Variants in MYO5A observed in about 807,000 individuals in gnomAD.
The protein encoded by MYO5A is myosin VA.
MYO5A carries 98 observed loss-of-function variants against 249.7 expected under a neutral mutation model. The observed-to-expected ratio is 0.39, with a 90% CI of 0.33 to 0.46. The LOEUF (loss-of-function observed/expected upper bound fraction) is 0.46. Among genes scored for constraint, MYO5A ranks in the 20% least tolerant of loss-of-function variants. The probability of loss-of-function intolerance (pLI) is 0.98; values close to 1 mark genes in which losing one functional copy is unlikely to be tolerated. For synonymous variants in MYO5A, 778 were observed against 810.6 expected, an observed-to-expected ratio of 0.96 and a Z score of 0.68; for missense variants, 1,696 against 2,308.8, an observed-to-expected ratio of 0.73 and a Z score of 5.44.
Position 52,397,486 on chromosome 15 carries a change from T to G in MYO5A, c.1054-20A>C. 1 of 1,612,250 alleles carries G rather than the reference T, an allele frequency of 6.2e-7. No individual in the cohort carries two copies. The highest frequency in any genetic ancestry group is 8.5e-7 in the Non-Finnish European group (1 of 1,178,466). On this transcript the variant is annotated intron_variant, in intron 9 of 41. Transcript: ENST00000399233. The stretch of plus-strand genomic sequence containing the variant: ...CTTGGGCTGCCAAAAGATAATGAGT[T>G]ATTTCCTATGACCAGATAAATCAAG...
At chr15:52,331,720 TG>T in intron 34 of MYO5A, 2 of 985,438 alleles carry the variant, frequency 2.0e-6, no homozygotes, top group Non-Finnish European at 2.4e-6. Context: ...CTTGCTTATG[TG>T]GCATGGAGCC....
chr15:52,322,867 CAT>C (rs1436089797), intron 37 of MYO5A, among the ~76,000 whole-genome samples: 17 of 148,462 alleles, frequency 1.1e-4, no homozygotes, highest in African/African-American at 4.2e-4. Context: ...TTTTAGGGTA[CAT>C]GTGCACAATG....
intron 1 of MYO5A, among the ~76,000 whole-genome samples, chr15:52,483,380 G>T (rs1372809177): frequency 6.6e-6 from 1 of 152,168 alleles, no homozygotes; most frequent in African/African-American, 2.4e-5. Context: ...GAGGGGTACA[G>T]TTACCCTTTG....
rs146469542 is a variant in MYO5A at position 52,519,185 on chromosome 15, T to C, written c.27+9595A>G. ...AATAAGAAATCGTGCAACTTATCTA[T>C]GTATGAAAATAGGGGAAGAGAATAA... On this transcript the variant is annotated intron_variant, in intron 1 of 41. Coordinates refer to ENST00000399233, the MANE Select transcript of MYO5A (RefSeq NM_001382347.1). Among the ~76,000 whole-genome samples, 33 of 152,182 alleles carry C rather than the reference T, an allele frequency of 2.2e-4. No homozygotes were observed. The East Asian group carries it at 6.2e-3, about 28-fold the overall frequency.
At chr15:52,318,195 C>T (rs143474872) in intron 39 of MYO5A, among the ~76,000 whole-genome samples, 1 of 150,966 alleles carries the variant, frequency 6.6e-6, no homozygotes, top group Admixed American at 6.6e-5. Context: ...GTGGCTCACA[C>T]CTGTAATCCC....
chr15:52,479,591 T>C (rs1024909433), intron 1 of MYO5A, among the ~76,000 whole-genome samples: 1 of 152,320 alleles, frequency 6.6e-6, no homozygotes. Flanking sequence ...AAAAGTTAGG[T>C]CTGTATGTGC....
At position 52,312,903 on chromosome 15, in the gene MYO5A, AT is replaced by A. The variant is rs2037828996; in HGVS notation, c.*792del. 1 of 152,496 alleles carries A rather than the reference AT, an allele frequency of 6.6e-6. No homozygotes were observed. The highest frequency in any genetic ancestry group is 1.5e-5 in the Non-Finnish European group (1 of 68,044). The allele number at this position is 152,496 out of a possible 1,614,324, so 9.4% of individuals were successfully genotyped here. A position where few individuals can be genotyped will look rare whatever the true frequency, so the allele number is the denominator to read the frequency against. On this transcript the variant is annotated 3_prime_UTR_variant, in exon 42 of 42. Transcript: ENST00000399233. The stretch of plus-strand genomic sequence containing the variant: ...GTCAAGCATTTTGTCATATTACTAC[AT>A]GACTTTCCAGTGTCTGCTACTTGTG...
rs2037717232 is a variant in MYO5A, at chr15:52,309,677, G to A, written c.*4019C>T. Reference sequence around the variant, plus strand: ...GCTGTGAGGATGAAACGAGGTAACAGAGGAAAGCGCCGCAGGAAAGCATAT... The same window carrying A: ...GCTGTGAGGATGAAACGAGGTAACAAAGGAAAGCGCCGCAGGAAAGCATAT... On this transcript the variant is annotated 3_prime_UTR_variant, in exon 42 of 42. Transcript: ENST00000399233. 1 of 152,226 alleles carries A rather than the reference G, an allele frequency of 6.6e-6. No individual in the cohort carries two copies. The highest frequency in any genetic ancestry group is 1.5e-5 in the Non-Finnish European group (1 of 68,066). The allele number at this position is 152,226 out of a possible 1,614,324, so 9.4% of individuals were successfully genotyped here.
intron 1 of MYO5A, among the ~76,000 whole-genome samples, chr15:52,484,667 CAG>C (rs1286848463): frequency 1.3e-5 from 2 of 152,108 alleles, no homozygotes; most frequent in Non-Finnish European, 2.9e-5. Context: ...GTTTTTGAGA[CAG>C]AGTCTCGCTC....
intron 29 of MYO5A, among the ~76,000 whole-genome samples, chr15:52,347,024 T>G (rs1005371564): frequency 1.3e-5 from 2 of 151,998 alleles, no homozygotes; most frequent in African/African-American, 4.8e-5. Flanking sequence ...CATTCAGTTC[T>G]CTTTTCCTCT....
chr15:52,492,003 CA>C (rs2076944603), intron 1 of MYO5A, among the ~76,000 whole-genome samples: 1 of 152,098 alleles, frequency 6.6e-6, no homozygotes, highest in African/African-American at 2.4e-5. Context: ...TTGATTAGAA[CA>C]AAGTAGACAA....
chr15:52,400,464 C>T (rs1449677776), intron 9 of MYO5A, among the ~76,000 whole-genome samples: 2 of 152,192 alleles, frequency 1.3e-5, no homozygotes, highest in Non-Finnish European at 2.9e-5. Context: ...TTACCACATT[C>T]CCTTTGTTGG....
At chr15:52,427,033 T>C (rs1428299922) in intron 3 of MYO5A, among the ~76,000 whole-genome samples, 1 of 152,134 alleles carries the variant, frequency 6.6e-6, no homozygotes, top group Non-Finnish European at 1.5e-5. Context: ...AAACTATATA[T>C]AGACTGATTC....
intron 14 of MYO5A, 45 bp downstream of exon 14, chr15:52,387,784 T>C: frequency 7.4e-7 from 1 of 1,358,186 alleles, no homozygotes; most frequent in Non-Finnish European, 1.0e-6. Flanking sequence ...AAAAAGCTAA[T>C]GCTTTGCATA....
At chr15:52,315,207 T>C (rs28618215) in intron 40 of MYO5A, among the ~76,000 whole-genome samples, 13,169 of 152,296 alleles carry the variant, frequency 0.086, 1,760 homozygotes, top group African/African-American at 0.29. Flanking sequence ...AGAAGTTGAA[T>C]GGCAGCCAAC....
intron 24 of MYO5A, among the ~76,000 whole-genome samples, chr15:52,362,694 C>T (rs1567052979): frequency 1.3e-5 from 2 of 152,140 alleles, no homozygotes; most frequent in African/African-American, 4.8e-5. Flanking sequence ...AATTGAGCAA[C>T]TAAAACTACC....
chr15:52,445,170 T>C (rs1449978593), intron 1 of MYO5A, among the ~76,000 whole-genome samples: 1 of 152,198 alleles, frequency 6.6e-6, no homozygotes, highest in Non-Finnish European at 1.5e-5. Flanking sequence ...ATTTGAATCA[T>C]GTGGGCAGAT....
At chr15:52,412,200 C>T (rs1355466515) in intron 5 of MYO5A, among the ~76,000 whole-genome samples, 2 of 152,170 alleles carry the variant, frequency 1.3e-5, no homozygotes, top group African/African-American at 2.4e-5. Flanking sequence ...CTGCCAGTAA[C>T]TAAGCAAGTG....
At chr15:52,505,687 G>C in intron 1 of MYO5A, 2 of 1,261,812 alleles carry the variant, frequency 1.6e-6, no homozygotes, top group Non-Finnish European at 1.2e-6. Flanking sequence ...CATTCAAGCA[G>C]ACGTCTTAGT....
Sources: gnomAD v4.1 joint callset for allele counts (sites outside exome capture counted in the v4.1 genomes callset) on GRCh38, gnomAD v4.1.1 for gene constraint, MANE v1.5 for transcripts, NCBI Gene and HGNC (gene_info 2026-07-23, HGNC 2026-07-21) for gene names.